Variants in SBF2 observed in about 807,000 individuals in gnomAD.
The protein encoded by SBF2 is myotubularin-related protein 13.
In SBF2, 112 loss-of-function variants were observed where a neutral mutation model predicts 225.2. That is an observed-to-expected ratio of 0.50 (90% CI 0.43 to 0.58). The LOEUF (loss-of-function observed/expected upper bound fraction) is 0.58, where lower values mean the gene tolerates loss of function less well. SBF2 is among the 20% of genes least tolerant of loss of function. The pLI is 0.00. For synonymous variants in SBF2, 763 were observed against 773.3 expected, an observed-to-expected ratio of 0.99 and a Z score of 0.22; for missense variants, 1,996 against 2,206.2, an observed-to-expected ratio of 0.90 and a Z score of 1.91.
At chr11:10,117,440 C>CAAAA (rs57722094) in intron 2 of SBF2, among the ~76,000 whole-genome samples, 25 of 40,860 alleles carry the variant, frequency 6.1e-4, no homozygotes, top group African/African-American at 2.0e-3. Flanking sequence ...GAATCCAACT[C>CAAAA]AAAAAAAAAA....
chr11:9,834,124 C>G (rs1023319749), intron 26 of SBF2, among the ~76,000 whole-genome samples: 3 of 149,096 alleles, frequency 2.0e-5, no homozygotes, highest in Non-Finnish European at 3.0e-5. Context: ...CACAGTTTCG[C>G]TCTTGTTGCC....
At chr11:10,141,913 G>A (rs1480735131) in intron 2 of SBF2, among the ~76,000 whole-genome samples, 2 of 152,158 alleles carry the variant, frequency 1.3e-5, no homozygotes, top group African/African-American at 4.8e-5. Context: ...AGCATTTGAT[G>A]TAACATTCAG....
intron 14 of SBF2, among the ~76,000 whole-genome samples, chr11:9,967,464 A>G (rs563856691): frequency 1.3e-5 from 2 of 152,368 alleles, no homozygotes; most frequent in East Asian, 3.8e-4. Context: ...GCCAGTCATA[A>G]AAGATTACAT....
intron 1 of SBF2, among the ~76,000 whole-genome samples, chr11:10,235,164 A>C (rs904182921): frequency 4.6e-5 from 7 of 152,180 alleles, no homozygotes; most frequent in Non-Finnish European, 8.8e-5. Context: ...TAAATAACTA[A>C]TTTACACTTT....
At chr11:9,893,109 C>T (rs1860970528) in intron 17 of SBF2, among the ~76,000 whole-genome samples, 1 of 152,072 alleles carries the variant, frequency 6.6e-6, no homozygotes, top group African/African-American at 2.4e-5. Context: ...TAAGTTTAAA[C>T]AAGACAAGCA....
chr11:9,808,049 C>T lies in SBF2; in HGVS notation c.4394G>A (p.Gly1465Glu), dbSNP rs762165359. Reference protein sequence around the residue: ...QRSSLTLNCQGSGFAPVFLQF... With the variant: ...QRSSLTLNCQESGFAPVFLQF... ...TAAGAAGACTGGAGCAAAACCACTC[C>T]CCTGACAGTTGAGGGTCAAGCTGCT... Residue 1465 changes from glycine to glutamate, a missense_variant, in exon 32 of 40, where the codon GGG becomes GAG. By Grantham distance (98) the Gly-to-Glu change is moderately conservative. Transcript: ENST00000256190. 57 of 1,613,984 alleles carry T rather than the reference C, an allele frequency of 3.5e-5. No individual in the cohort carries two copies. The highest frequency in any genetic ancestry group is 1.6e-4 in the Middle Eastern group (1 of 6,084).
chr11:10,220,564 C>A (rs1184743131), intron 1 of SBF2, among the ~76,000 whole-genome samples: 1 of 152,154 alleles, frequency 6.6e-6, no homozygotes, highest in African/African-American at 2.4e-5. Flanking sequence ...GACTTGGTAT[C>A]CCTACCTCCT....
chr11:10,285,221 G>C, intron 1 of SBF2, among the ~76,000 whole-genome samples: 1 of 151,474 alleles, frequency 6.6e-6, no homozygotes, highest in Non-Finnish European at 1.5e-5. Flanking sequence ...GAGGTGGGAA[G>C]ATGAACTGAG....
intron 1 of SBF2, among the ~76,000 whole-genome samples, chr11:10,218,329 C>G (rs965286072): frequency 1.2e-4 from 13 of 104,852 alleles, no homozygotes; most frequent in East Asian, 2.6e-4. Context: ...CACCCCCCCC[C>G]CCACCCAATG....
intron 28 of SBF2, chr11:9,828,706 T>C (rs1855207052): frequency 1.2e-6 from 1 of 866,764 alleles, no homozygotes; most frequent in Non-Finnish European, 1.4e-6. Context: ...CTGAAAATCA[T>C]AATAGGCTGC....
chr11:10,010,091 G>A (rs1948377423), intron 6 of SBF2, among the ~76,000 whole-genome samples: 1 of 152,080 alleles, frequency 6.6e-6, no homozygotes. Context: ...ACTTTTTGAT[G>A]AGGTTGTTTT....
chr11:10,285,555 T>C (rs1963700961), intron 1 of SBF2, among the ~76,000 whole-genome samples: 1 of 152,214 alleles, frequency 6.6e-6, no homozygotes, highest in Non-Finnish European at 1.5e-5. Context: ...AAACATCCTC[T>C]TTATTTGCAT....
At chr11:10,175,581 C>T (rs904036147) in intron 2 of SBF2, among the ~76,000 whole-genome samples, 4 of 151,546 alleles carry the variant, frequency 2.6e-5, no homozygotes, top group Non-Finnish European at 5.9e-5. Context: ...TAACACCCCA[C>T]TGTCAACATT....
At chr11:10,283,032 A>T (rs1963516013) in intron 1 of SBF2, among the ~76,000 whole-genome samples, 1 of 152,172 alleles carries the variant, frequency 6.6e-6, no homozygotes, top group Admixed American at 6.5e-5. Flanking sequence ...CACATAGCAA[A>T]TGTTTATGCA....
chr11:10,103,734 G>A (rs1952420452), intron 2 of SBF2, among the ~76,000 whole-genome samples: 1 of 152,190 alleles, frequency 6.6e-6, no homozygotes, highest in Admixed American at 6.5e-5. Context: ...ATGGAGAGCT[G>A]ATATGTTCAT....
At chr11:10,167,003 T>C (rs572655516) in intron 2 of SBF2, among the ~76,000 whole-genome samples, 71 of 138,926 alleles carry the variant, frequency 5.1e-4, no homozygotes, top group African/African-American at 1.8e-3. Flanking sequence ...AGGCTACTAA[T>C]TGAAAAGTTC....
chr11:9,908,046 G>C (rs1862248515), intron 16 of SBF2, among the ~76,000 whole-genome samples: 1 of 152,122 alleles, frequency 6.6e-6, no homozygotes, highest in African/African-American at 2.4e-5. Flanking sequence ...ATACTGAACT[G>C]AATATAAAAA....
intron 14 of SBF2, among the ~76,000 whole-genome samples, chr11:9,966,913 T>C (rs929906247): frequency 1.3e-5 from 2 of 151,572 alleles, no homozygotes; most frequent in Non-Finnish European, 2.9e-5. Flanking sequence ...TAAGTATACA[T>C]CCAAGAGAAC....
intron 2 of SBF2, among the ~76,000 whole-genome samples, chr11:10,183,449 C>T (rs944465790): frequency 1.3e-5 from 2 of 152,308 alleles, no homozygotes; most frequent in African/African-American, 4.8e-5. Flanking sequence ...TCCAGAGAAA[C>T]TTTAATCAGT....
Sources: allele counts gnomAD v4.1 joint callset (sites outside exome capture counted in the v4.1 genomes callset), GRCh38; gene constraint gnomAD v4.1.1; transcripts MANE v1.5; gene names NCBI Gene and HGNC (gene_info 2026-07-23, HGNC 2026-07-21).